The following GPC4 variants were observed in gnomAD, a reference collection of about 807,000 sequenced individuals.
The protein encoded by GPC4 is glypican-4.
A neutral mutation model predicts 35.0 loss-of-function variants in GPC4; 10 were observed. The ratio of observed to expected loss-of-function variants is 0.29; its 90% CI spans 0.18 to 0.48. GPC4 has a LOEUF of 0.48. Ranked by LOEUF, GPC4 falls within the 20% of genes least tolerant of loss-of-function variation. The pLI is 0.99. For missense variants in GPC4, 322 were observed against 451.3 expected (o/e 0.71, Z 2.60); for synonymous variants, 167 against 170.2 (o/e 0.98, Z 0.15).
At chrX:133,414,761 C>G in intron 1 of GPC4, 45 bp downstream of exon 1, 2 of 1,192,037 alleles carry the variant, frequency 1.7e-6, no homozygotes, top group Non-Finnish European at 2.3e-6. Flanking sequence ...CCTCCCTTCC[C>G]GAAGTGTCGG....
intron 3 of GPC4, among the ~76,000 whole-genome samples, chrX:133,319,315 G>A (rs1281727977): frequency 3.7e-5 from 4 of 107,314 alleles, no homozygotes; most frequent in Non-Finnish European, 5.8e-5. Flanking sequence ...GTGGTGGCAC[G>A]TGCCTGTAGT....
intron 1 of GPC4, among the ~76,000 whole-genome samples, chrX:133,412,143 A>T (rs2068815644): frequency 8.9e-6 from 1 of 111,858 alleles, no homozygotes; most frequent in Non-Finnish European, 1.9e-5. Context: ...CATCCCAGGC[A>T]AAGTGCCTGG....
rs768679870 is a variant in GPC4, at chrX:133,303,372, T to C, written c.1293-31A>G. 5 of 1,153,110 alleles carry C rather than the reference T, an allele frequency of 4.3e-6. No individual in the cohort carries two copies. In the East Asian group the frequency reaches 1.5e-4, roughly 35 times the overall value. On this transcript the variant is annotated intron_variant, in intron 7 of 8. Coordinates refer to ENST00000370828, the MANE Select transcript of GPC4 (RefSeq NM_001448.3). Reference sequence around the variant, plus strand: ...ATGTAAAATGACCCCAGTAAGATGATTCGTAAAGCGAAAAGATTTTATCTG... The same window carrying C: ...ATGTAAAATGACCCCAGTAAGATGACTCGTAAAGCGAAAAGATTTTATCTG...
chrX:133,347,260 T>TG (rs2068496978), intron 1 of GPC4, among the ~76,000 whole-genome samples: 1 of 91,897 alleles, frequency 1.1e-5, no homozygotes, highest in East Asian at 3.4e-4. Context: ...TTTTTTTTTT[T>TG]TTTTTTTTTT....
At chrX:133,344,805 T>C (rs1290052841) in intron 1 of GPC4, among the ~76,000 whole-genome samples, 1 of 112,333 alleles carries the variant, frequency 8.9e-6, no homozygotes, top group Non-Finnish European at 1.9e-5. Flanking sequence ...ACCCAGGCTT[T>C]GCCTGCACCA....
At chrX:133,413,303 G>A (rs1182350397) in intron 1 of GPC4, among the ~76,000 whole-genome samples, 1 of 112,181 alleles carries the variant, frequency 8.9e-6, no homozygotes, top group Non-Finnish European at 1.9e-5. Context: ...AACTGCCAAG[G>A]TGCAGTGGGC....
intron 1 of GPC4, among the ~76,000 whole-genome samples, chrX:133,400,361 A>G (rs1433277139): frequency 8.9e-6 from 1 of 112,539 alleles, no homozygotes; most frequent in Non-Finnish European, 1.9e-5. Flanking sequence ...CAAGAAAACT[A>G]TGCTTTGCCC....
chrX:133,328,273 C>T (rs1236795093), intron 2 of GPC4, among the ~76,000 whole-genome samples: 1 of 111,358 alleles, frequency 9.0e-6, no homozygotes, highest in Non-Finnish European at 1.9e-5. Flanking sequence ...TTCTTACTAG[C>T]CCTGTTGCTT....
At chrX:133,354,714 G>A (rs1219473418) in intron 1 of GPC4, among the ~76,000 whole-genome samples, 2 of 106,567 alleles carry the variant, frequency 1.9e-5, no homozygotes, top group African/African-American at 6.9e-5. Flanking sequence ...GACTACAGGC[G>A]CCCGCCACCG....
intron 1 of GPC4, among the ~76,000 whole-genome samples, chrX:133,382,770 C>CA (rs2068668734): frequency 8.9e-6 from 1 of 112,577 alleles, no homozygotes; most frequent in Non-Finnish European, 1.9e-5. Flanking sequence ...AAAAAACAGG[C>CA]AAAAGGTCTC....
At chrX:133,316,345 G>T (rs888070562) in intron 3 of GPC4, among the ~76,000 whole-genome samples, 1 of 111,816 alleles carries the variant, frequency 8.9e-6, no homozygotes, top group South Asian at 3.7e-4. Context: ...GCCAAACCAG[G>T]ATTTGAATCT....
At chrX:133,395,852 T>C (rs2068740423) in intron 1 of GPC4, among the ~76,000 whole-genome samples, 1 of 110,078 alleles carries the variant, frequency 9.1e-6, no homozygotes, top group South Asian at 3.9e-4. Context: ...ATGTTCTTAA[T>C]GAAAAAAAAT....
At chrX:133,401,751 G>A (rs953452040) in intron 1 of GPC4, among the ~76,000 whole-genome samples, 2 of 111,681 alleles carry the variant, frequency 1.8e-5, no homozygotes, top group Non-Finnish European at 3.8e-5. Flanking sequence ...CAAACTGTGG[G>A]TAAACAACAA....
intron 1 of GPC4, among the ~76,000 whole-genome samples, chrX:133,373,635 T>C (rs1467660985): frequency 1.8e-5 from 2 of 111,444 alleles, no homozygotes; most frequent in African/African-American, 6.5e-5. Context: ...CAAAGGGTAG[T>C]TGATGATCTG....
At chrX:133,323,788 G>C (rs967741159) in intron 3 of GPC4, among the ~76,000 whole-genome samples, 1 of 112,074 alleles carries the variant, frequency 8.9e-6, no homozygotes, top group African/African-American at 3.2e-5. Flanking sequence ...GCCTGTGTGT[G>C]TATGTTTGTT....
Position 133,302,740 on chromosome X carries a change from TG to T in GPC4, c.*126del. 2 of 603,019 alleles carry T rather than the reference TG, an allele frequency of 3.3e-6. No homozygotes were observed. The highest frequency in any genetic ancestry group is 5.2e-6 in the Non-Finnish European group (2 of 387,564). The allele number at this position is 603,019 out of a possible 1,213,427, so 49.7% of individuals were successfully genotyped here. A position where few individuals can be genotyped will look rare whatever the true frequency, so the allele number is the denominator to read the frequency against. ...ACAAAGTCAGCACTTCTTAAACCAG[TG>T]GCCACATAGTAAAAACTGTACATTG... On this transcript the variant is annotated 3_prime_UTR_variant, in exon 9 of 9. Transcript: ENST00000370828.
intron 1 of GPC4, chrX:133,414,536 GGAGCGGAGCGC>G (rs1369146294): frequency 1.3e-6 from 1 of 754,314 alleles, no homozygotes. Flanking sequence ...GCGGAGGCGG[GGAGCGGAGCGC>G]GACAGTCGCA....
chrX:133,366,770 G>A (rs1285296732), intron 1 of GPC4, among the ~76,000 whole-genome samples: 2 of 111,303 alleles, frequency 1.8e-5, no homozygotes, highest in Non-Finnish European at 3.8e-5. Flanking sequence ...GACCAGAGAG[G>A]CTACTCCCTT....
At chrX:133,402,037 T>C (rs183791886) in intron 1 of GPC4, among the ~76,000 whole-genome samples, 1 of 112,318 alleles carries the variant, frequency 8.9e-6, no homozygotes, top group Non-Finnish European at 1.9e-5. Flanking sequence ...ATAATTTGAC[T>C]ATAAATTGTA....
Sources: allele counts gnomAD v4.1 joint callset (sites outside exome capture counted in the v4.1 genomes callset), GRCh38; gene constraint gnomAD v4.1.1; transcripts MANE v1.5; gene names NCBI Gene and HGNC (gene_info 2026-07-23, HGNC 2026-07-21).